Variants in SYT1 observed in about 807,000 individuals in gnomAD.
SYT1 encodes the protein synaptotagmin-1.
A neutral mutation model predicts 44.8 loss-of-function variants in SYT1; 8 were observed. That is an observed-to-expected ratio of 0.18 (90% CI 0.10 to 0.32). SYT1 has a LOEUF of 0.32. Ranked by LOEUF, SYT1 falls within the 10% of genes least tolerant of loss-of-function variation. SYT1 has a pLI of 1.00. For missense variants in SYT1, 286 were observed against 509.3 expected, an observed-to-expected ratio of 0.56 and a Z score of 4.22; for synonymous variants, 154 against 188.8, an observed-to-expected ratio of 0.82 and a Z score of 1.51.
intron 9 of SYT1, among the ~76,000 whole-genome samples, chr12:79,370,719 C>T (rs1348061104): frequency 6.6e-6 from 1 of 151,846 alleles, no homozygotes; most frequent in East Asian, 1.9e-4. Flanking sequence ...GCAGAGATCG[C>T]GCCACTGCAC....
chr12:79,441,322 T>C lies in SYT1; in HGVS notation c.929-2751T>C, dbSNP rs570722258. ...GTTGTTGTTGTTGCTGCTGCTGCTGTTGTTGTTGTTGTTGTGAGATTCTGC... is the reference window on the plus strand; with the variant it reads ...GTTGTTGTTGTTGCTGCTGCTGCTGCTGTTGTTGTTGTTGTGAGATTCTGC... On this transcript the variant is annotated intron_variant, in intron 9 of 10. Coordinates refer to ENST00000261205, the MANE Select transcript of SYT1 (RefSeq NM_005639.3). Among the ~76,000 whole-genome samples the C allele has an allele frequency of 5.3e-5, 8 of 150,628 alleles. No individual in the cohort carries two copies. The East Asian group carries it at 9.7e-4, about 18-fold the overall frequency.
chr12:78,939,519 T>G (rs746721530), intron 1 of SYT1, among the ~76,000 whole-genome samples: 4 of 152,198 alleles, frequency 2.6e-5, no homozygotes, highest in Admixed American at 6.5e-5. Flanking sequence ...TTTCATGCTT[T>G]GTGGATAATT....
intron 1 of SYT1, among the ~76,000 whole-genome samples, chr12:78,920,590 AT>A (rs1342905858): frequency 6.6e-6 from 1 of 151,912 alleles, no homozygotes; most frequent in African/African-American, 2.4e-5. Flanking sequence ...CTAAATAAGC[AT>A]TTTTTATTAA....
intron 1 of SYT1, among the ~76,000 whole-genome samples, chr12:78,905,127 T>C (rs1027367534): frequency 4.6e-5 from 7 of 152,192 alleles, no homozygotes; most frequent in Admixed American, 1.3e-4. Context: ...TCCAGGACCA[T>C]TCTAATCTTG....
chr12:79,174,825 G>T (rs1490718632), intron 3 of SYT1, among the ~76,000 whole-genome samples: 1 of 152,046 alleles, frequency 6.6e-6, no homozygotes. Context: ...ATTGGAGCTT[G>T]CTGCTAACAA....
At chr12:79,274,427 G>C (rs1405079945) in intron 4 of SYT1, among the ~76,000 whole-genome samples, 1 of 152,158 alleles carries the variant, frequency 6.6e-6, no homozygotes, top group Non-Finnish European at 1.5e-5. Context: ...GTCTCACTGT[G>C]GTCTGCTGCC....
At chr12:79,145,264 C>T (rs1748189097) in intron 3 of SYT1, among the ~76,000 whole-genome samples, 1 of 152,094 alleles carries the variant, frequency 6.6e-6, no homozygotes, top group African/African-American at 2.4e-5. Flanking sequence ...ATCTCTATAG[C>T]TTTGACTCAT....
At chr12:79,288,223 CAT>C (rs1290056536) in intron 5 of SYT1, among the ~76,000 whole-genome samples, 1 of 152,024 alleles carries the variant, frequency 6.6e-6, no homozygotes, top group African/African-American at 2.4e-5. Context: ...TGTTTCATCA[CAT>C]GATGATCGCC....
At chr12:79,322,521 G>GT (rs1342267300) in intron 8 of SYT1, among the ~76,000 whole-genome samples, 1 of 152,126 alleles carries the variant, frequency 6.6e-6, no homozygotes, top group East Asian at 1.9e-4. Flanking sequence ...TCTTATGAGT[G>GT]TATCAGTGAA....
Position 78,897,721 on chromosome 12 carries a change from T to C in SYT1, c.-217+32612T>C, listed in dbSNP as rs113725032. 7.6e-4 allele frequency among the ~76,000 whole-genome samples: 116 copies of C among 152,234 alleles called. 1 individual carries two copies. The highest frequency in any genetic ancestry group is 2.7e-3 in the African/African-American group (113 of 41,572). On this transcript the variant is annotated intron_variant, in intron 1 of 10. Transcript: ENST00000261205. ...TTTCAAATGCTCATCAAAATCACAA[T>C]TAACCTATTGATAAGTTTGTACTGG...
chr12:79,235,142 A>G (rs957142184), intron 4 of SYT1, among the ~76,000 whole-genome samples: 1 of 152,184 alleles, frequency 6.6e-6, no homozygotes, highest in African/African-American at 2.4e-5. Context: ...GTAGTACAGA[A>G]GTATATTTGT....
In SYT1 at chr12:79,299,557, G is replaced by C. The variant is rs755379148; in HGVS notation, c.810+6G>C. The C allele has an allele frequency of 1.2e-6, 2 of 1,609,842 alleles. No individual in the cohort carries two copies. Among genetic ancestry groups the C allele is most frequent in the Admixed American group, 3.4e-5 (2 of 59,074 alleles). On this transcript the variant is annotated splice_donor_region_variant and intron_variant, in intron 8 of 10. Coordinates refer to ENST00000261205, the MANE Select transcript of SYT1 (RefSeq NM_005639.3). ...AAAGTGCTGAGAAGGAAGAGGTAAG[G>C]GAATTACTAGCATTTCTAACATCAC...
At chr12:79,150,322 C>A (rs920503694) in intron 3 of SYT1, among the ~76,000 whole-genome samples, 23 of 152,178 alleles carry the variant, frequency 1.5e-4, no homozygotes, top group Admixed American at 1.4e-3. Context: ...ACCTAGAAGA[C>A]TTTATTCTAA....
At chr12:79,440,644 T>G (rs1341328172) in intron 9 of SYT1, among the ~76,000 whole-genome samples, 1 of 152,200 alleles carries the variant, frequency 6.6e-6, no homozygotes, top group East Asian at 1.9e-4. Flanking sequence ...AAATTGTGTT[T>G]TATTATGCAA....
At chr12:79,353,406 C>A in intron 8 of SYT1, 96 bp from the exon 9 acceptor site, 2 of 961,004 alleles carry the variant, frequency 2.1e-6, no homozygotes, top group South Asian at 1.5e-5. Context: ...TTCTAATCAA[C>A]ATAATCCTCC....
At chr12:78,966,059 A>G (rs1258880196) in intron 1 of SYT1, among the ~76,000 whole-genome samples, 1 of 151,032 alleles carries the variant, frequency 6.6e-6, no homozygotes, top group African/African-American at 2.4e-5. Context: ...CTTGGGTGAT[A>G]GAATGAGACT....
At chr12:78,993,769 A>C (rs1406156899) in intron 2 of SYT1, among the ~76,000 whole-genome samples, 5 of 152,226 alleles carry the variant, frequency 3.3e-5, no homozygotes, top group Non-Finnish European at 7.3e-5. Flanking sequence ...TCAAAAAGTA[A>C]TGTAATATTC....
intron 9 of SYT1, 134 bp from the exon 10 acceptor site, chr12:79,443,939 T>C: frequency 1.1e-6 from 1 of 924,508 alleles, no homozygotes. Context: ...AATAAAAAAG[T>C]ATTGAATTTA....
At position 79,432,775 on chromosome 12, in the gene SYT1, G is replaced by A. The variant is rs140249493; in HGVS notation, c.929-11298G>A. 3.7e-3 allele frequency among the ~76,000 whole-genome samples: 560 copies of A among 152,088 alleles called. 1 individual carries two copies. The highest frequency in any genetic ancestry group is 6.8e-3 in the Non-Finnish European group (465 of 67,992). On this transcript the variant is annotated intron_variant, in intron 9 of 10. Coordinates refer to ENST00000261205, the MANE Select transcript of SYT1 (RefSeq NM_005639.3). ...ATTACAGGCGTGTACAACCACACCC[G>A]GCTAATTTTTGTATTCTTAGTAGAG...
Sources: allele counts gnomAD v4.1 joint callset (sites outside exome capture counted in the v4.1 genomes callset), GRCh38; gene constraint gnomAD v4.1.1; transcripts MANE v1.5; gene names NCBI Gene and HGNC (gene_info 2026-07-23, HGNC 2026-07-21).